Variants in CYP4X1 observed in about 807,000 individuals in gnomAD.
CYP4X1 encodes cytochrome P450 4X1.
A neutral mutation model predicts 57.9 loss-of-function variants in CYP4X1; 44 were observed. The ratio of observed to expected loss-of-function variants is 0.76; its 90% CI spans 0.60 to 0.98. CYP4X1 has a LOEUF of 0.98. CYP4X1 is among the 50% of genes least tolerant of loss of function. CYP4X1 has a pLI of 0.00. For missense variants in CYP4X1, 532 were observed against 623.9 expected (o/e 0.85, Z 1.57); for synonymous variants, 227 against 228.6 (o/e 0.99, Z 0.06).
intron 3 of CYP4X1, among the ~76,000 whole-genome samples, chr1:47,032,059 A>C (rs887924113): frequency 3.7e-4 from 57 of 152,048 alleles, no homozygotes; most frequent in Admixed American, 4.6e-4. Flanking sequence ...CCAACAACAA[A>C]AAAAAAACTA....
chr1:47,020,584 A>G (rs1432354319), upstream of CYP4X1, among the ~76,000 whole-genome samples: 1 of 152,228 alleles, frequency 6.6e-6, no homozygotes, highest in Non-Finnish European at 1.5e-5. Flanking sequence ...GCATGTGCCC[A>G]GCACAGGGGC....
At chr1:47,037,201 G>C (rs1051004966) in intron 6 of CYP4X1, among the ~76,000 whole-genome samples, 1 of 150,380 alleles carries the variant, frequency 6.6e-6, no homozygotes, top group Non-Finnish European at 1.5e-5. Flanking sequence ...CAATTATGAT[G>C]AAAAAGCAAA....
chr1:47,005,575 G>T, the CYP4X1 span, among the ~76,000 whole-genome samples: 1 of 152,114 alleles, frequency 6.6e-6, no homozygotes, highest in African/African-American at 2.4e-5. Flanking sequence ...GTGTTTATTT[G>T]TATGTACACT....
chr1:47,033,634 A>T (rs1450234377), intron 4 of CYP4X1, among the ~76,000 whole-genome samples: 1 of 152,198 alleles, frequency 6.6e-6, no homozygotes, highest in Non-Finnish European at 1.5e-5. Context: ...TGATAGTTAG[A>T]TAGTAAGTGC....
chr1:46,974,656 G>T, the CYP4X1 span, among the ~76,000 whole-genome samples: 2 of 152,078 alleles, frequency 1.3e-5, no homozygotes, highest in Non-Finnish European at 2.9e-5. Context: ...AAATCTTCTT[G>T]TTGAATTGAA....
the CYP4X1 span, among the ~76,000 whole-genome samples, chr1:46,987,339 C>T: frequency 6.6e-6 from 1 of 152,056 alleles, no homozygotes; most frequent in Admixed American, 6.5e-5. Context: ...GTTAACTATC[C>T]TAAATATATA....
At chr1:46,995,202 A>G in the CYP4X1 span, among the ~76,000 whole-genome samples, 3 of 152,082 alleles carry the variant, frequency 2.0e-5, no homozygotes, top group African/African-American at 7.2e-5. Context: ...TTTCTGTTGT[A>G]AGGTGGGAGC....
At chr1:46,992,673 A>G in the CYP4X1 span, among the ~76,000 whole-genome samples, 1 of 152,162 alleles carries the variant, frequency 6.6e-6, no homozygotes, top group South Asian at 2.1e-4. Context: ...AGTTCTTTCA[A>G]TCTTACATCT....
At chr1:46,998,274 C>T in the CYP4X1 span, among the ~76,000 whole-genome samples, 14 of 152,010 alleles carry the variant, frequency 9.2e-5, no homozygotes, top group Non-Finnish European at 1.8e-4. Flanking sequence ...ATCCTGGACT[C>T]GAGTGATCCT....
At chr1:47,012,401 C>T in the CYP4X1 span, among the ~76,000 whole-genome samples, 1 of 152,018 alleles carries the variant, frequency 6.6e-6, no homozygotes, top group African/African-American at 2.4e-5. Flanking sequence ...CACACCAGGG[C>T]CTGTCATGGG....
At chr1:46,981,916 G>C in the CYP4X1 span, among the ~76,000 whole-genome samples, 2 of 152,156 alleles carry the variant, frequency 1.3e-5, no homozygotes, top group East Asian at 1.9e-4. Flanking sequence ...CTCACTCATA[G>C]GTGGGAATTG....
At chr1:47,018,624 G>A in the CYP4X1 span, among the ~76,000 whole-genome samples, 2 of 152,096 alleles carry the variant, frequency 1.3e-5, no homozygotes, top group African/African-American at 4.8e-5. Flanking sequence ...CTGTTTCAGG[G>A]GCTTAGAGGC....
chr1:46,988,678 T>G, the CYP4X1 span, among the ~76,000 whole-genome samples: 1 of 152,140 alleles, frequency 6.6e-6, no homozygotes, highest in Non-Finnish European at 1.5e-5. Flanking sequence ...TCAAAAAGCT[T>G]ATCCACCATG....
the CYP4X1 span, among the ~76,000 whole-genome samples, chr1:46,984,597 C>T: frequency 1.6e-4 from 24 of 152,088 alleles, no homozygotes; most frequent in African/African-American, 4.6e-4. Context: ...ACCTGGGAAG[C>T]GCAAGGGGTC....
chr1:46,964,897 C>G, the CYP4X1 span, among the ~76,000 whole-genome samples: 1 of 152,174 alleles, frequency 6.6e-6, no homozygotes, highest in African/African-American at 2.4e-5. Context: ...CCAGTTCGAG[C>G]TTCCCGGCCG....
At chr1:46,984,315 A>G in the CYP4X1 span, among the ~76,000 whole-genome samples, 7 of 147,152 alleles carry the variant, frequency 4.8e-5, no homozygotes, top group East Asian at 1.4e-3. Context: ...ATGAATCCCA[A>G]TGTGTCCTCT....
chr1:47,012,709 G>T, the CYP4X1 span, among the ~76,000 whole-genome samples: 1 of 152,102 alleles, frequency 6.6e-6, no homozygotes, highest in Non-Finnish European at 1.5e-5. Flanking sequence ...TAGCTTATTT[G>T]TCCTTATTTG....
the CYP4X1 span, chr1:47,003,287 T>G: frequency 6.6e-6 from 1 of 152,122 alleles, no homozygotes. Context: ...TTGGAACTGT[T>G]TCTGTGGACC....
the CYP4X1 span, chr1:46,961,577 C>T: frequency 4.8e-6 from 6 of 1,252,794 alleles, no homozygotes; most frequent in South Asian, 1.4e-5. Context: ...ACAAAGGGCT[C>T]AGGCTATGAT....
Sources: gnomAD v4.1 joint callset for allele counts (sites outside exome capture counted in the v4.1 genomes callset) on GRCh38, gnomAD v4.1.1 for gene constraint, MANE v1.5 for transcripts, NCBI Gene and HGNC (gene_info 2026-07-23, HGNC 2026-07-21) for gene names.